Variants in WNK3 observed in about 807,000 individuals in gnomAD.
The protein encoded by WNK3 is WNK lysine deficient protein kinase 3, also known as serine/threonine-protein kinase WNK3.
In WNK3, 18 loss-of-function variants were observed where a neutral mutation model predicts 116.7. That is an observed-to-expected ratio of 0.15 (90% confidence interval 0.11 to 0.23). The LOEUF (loss-of-function observed/expected upper bound fraction) is 0.23, where lower values mean the gene tolerates loss of function less well. Ranked by LOEUF, WNK3 falls within the 10% of genes least tolerant of loss-of-function variation. WNK3 has a pLI of 1.00. For synonymous variants in WNK3, 404 were observed against 469.4 expected (o/e 0.86, Z 1.80); for missense variants, 993 against 1,323.8 (o/e 0.75, Z 3.88).
chrX:54,215,333 GGC>G (rs1290662098), intron 22 of WNK3, among the ~76,000 whole-genome samples: 1 of 111,225 alleles, frequency 9.0e-6, no homozygotes, highest in Non-Finnish European at 1.9e-5. Context: ...TGGGATTGCA[GGC>G]GCGCGCCGCC....
At chrX:54,259,361 A>C in intron 10 of WNK3, 23 bp from the exon 11 acceptor site, 2 of 1,056,274 alleles carry the variant, frequency 1.9e-6, no homozygotes, top group Non-Finnish European at 2.6e-6. Flanking sequence ...CAGACATAAA[A>C]CTTGCTATGA....
chrX:54,213,553 C>CAAAAAAAAAAAAAAAAAAAAAAAAAAAAA (rs782580375), intron 22 of WNK3, among the ~76,000 whole-genome samples: 1 of 14,267 alleles, frequency 7.0e-5, no homozygotes, highest in African/African-American at 5.6e-4. Context: ...GACTCCGTCT[C>CAAAAAAAAAAAAAAAAAAAAAAAAAAAAA]AAAAAAAAAA....
intron 23 of WNK3, among the ~76,000 whole-genome samples, chrX:54,200,596 T>C (rs1467572088): frequency 1.8e-5 from 2 of 111,660 alleles, no homozygotes; most frequent in African/African-American, 6.5e-5. Context: ...ATGACTTTTC[T>C]AAAGTCACAC....
intron 22 of WNK3, among the ~76,000 whole-genome samples, chrX:54,221,651 G>A (rs1415194694): frequency 9.1e-6 from 1 of 110,360 alleles, no homozygotes; most frequent in African/African-American, 3.3e-5. Flanking sequence ...TGGCCAACAT[G>A]GTGAAACCCC....
rs371595695 is a variant in WNK3, at chrX:54,251,466, A to G, written c.2524-16T>C. The G allele has an allele frequency of 1.3e-5, 15 of 1,189,694 alleles. No homozygotes were observed. The African/African-American group carries it at 2.3e-4, about 18-fold the overall frequency. ...ATGACCCTGTCTGAATTAAAAATGA[A>G]TAGATAAATTAAAAAGTTCCTGATT... is the stretch of plus-strand genomic sequence containing the variant. On this transcript the variant is annotated splice_polypyrimidine_tract_variant and intron_variant, in intron 14 of 23. Coordinates refer to ENST00000354646, the Ensembl canonical transcript of WNK3.
At chrX:54,245,508 C>T (rs781994126) in intron 17 of WNK3, among the ~76,000 whole-genome samples, 3 of 110,134 alleles carry the variant, frequency 2.7e-5, no homozygotes, top group African/African-American at 9.9e-5. Context: ...CACACATACA[C>T]ATACATACAT....
At chrX:54,281,107 T>C (rs2068510948) in intron 10 of WNK3, among the ~76,000 whole-genome samples, 2 of 111,755 alleles carry the variant, frequency 1.8e-5, no homozygotes, top group South Asian at 3.7e-4. Flanking sequence ...GTGAAATGAT[T>C]ACCACAATAA....
chrX:54,304,210 C>G (rs1470740067), intron 5 of WNK3, among the ~76,000 whole-genome samples: 8 of 110,474 alleles, frequency 7.2e-5, no homozygotes, highest in Non-Finnish European at 1.1e-4. Context: ...CAGTTTACAT[C>G]TCTAACAGAT....
intron 10 of WNK3, among the ~76,000 whole-genome samples, chrX:54,277,538 A>G (rs2068464580): frequency 9.2e-6 from 1 of 109,121 alleles, no homozygotes. Flanking sequence ...GGGTTTCACC[A>G]TGTTGGCCAG....
exon 3 of WNK3, chrX:54,311,173 C>T: frequency 8.4e-7 from 1 of 1,194,991 alleles, no homozygotes; most frequent in Non-Finnish European, 1.1e-6. Context: ...ACATTTCTTT[C>T]CTTTTAATAT....
chrX:54,197,554 T>A (rs2067455992), exon 24 of WNK3: 1 of 109,425 alleles, frequency 9.1e-6, no homozygotes, highest in South Asian at 4.1e-4. Flanking sequence ...TGAAACCCCA[T>A]CCTCTACTAA....
rs186326533 is a variant in WNK3 at position 54,237,808 on chromosome X, C to T, written c.4015-257G>A. ...GACCCACCCACCCGCCAAAAGAAAACCTATTTCTGTGCTCTCTACCAGCTA... is the reference window on the plus strand; with the variant it reads ...GACCCACCCACCCGCCAAAAGAAAATCTATTTCTGTGCTCTCTACCAGCTA... On this transcript the variant is annotated intron_variant, in intron 19 of 23. Transcript: ENST00000354646. Among the ~76,000 whole-genome samples, 3 of 111,664 alleles carry T rather than the reference C, an allele frequency of 2.7e-5. No homozygotes were observed. The Admixed American group carries it at 2.9e-4, about 11-fold the overall frequency.
intron 1 of WNK3, among the ~76,000 whole-genome samples, chrX:54,347,691 T>C (rs1412692935): frequency 2.1e-5 from 2 of 96,827 alleles, no homozygotes; most frequent in Non-Finnish European, 4.0e-5. Context: ...CATATATATA[T>C]ATACACATAT....
rs782304957 is a variant in WNK3 at position 54,264,342 on chromosome X, A to T, written c.2038-5004T>A. ...AGTGAGACTGTCTCAAAAAAAAAAA[A>T]TTGGTAGACATGGGGGTGTCAGTGT... On this transcript the variant is annotated intron_variant, in intron 10 of 23. Transcript: ENST00000354646. Among the ~76,000 whole-genome samples the T allele has an allele frequency of 1.6e-4, 17 of 108,302 alleles. No homozygotes were observed. In the Admixed American group the frequency reaches 1.7e-3, roughly 11 times the overall value. 94.0% of individuals were successfully genotyped at this position (108,302 alleles called of 115,157 possible).
chrX:54,263,953 C>T (rs1355166161), intron 10 of WNK3, among the ~76,000 whole-genome samples: 1 of 108,477 alleles, frequency 9.2e-6, no homozygotes, highest in Admixed American at 1.0e-4. Flanking sequence ...CAGCCCCAAC[C>T]TCCCAGGCTC....
intron 2 of WNK3, among the ~76,000 whole-genome samples, chrX:54,331,844 T>C (rs1165660946): frequency 8.9e-6 from 1 of 111,744 alleles, no homozygotes; most frequent in Non-Finnish European, 1.9e-5. Context: ...TTCCTAGAAA[T>C]GCAGAAACCT....
intron 17 of WNK3, among the ~76,000 whole-genome samples, chrX:54,246,714 T>C (rs1403739867): frequency 2.7e-5 from 3 of 112,147 alleles, no homozygotes; most frequent in Admixed American, 9.5e-5. Context: ...CATGTGGCTG[T>C]CTAAATTTAA....
chrX:54,282,004 T>TG (rs1257926755), intron 10 of WNK3, among the ~76,000 whole-genome samples: 16 of 108,160 alleles, frequency 1.5e-4, no homozygotes, highest in Admixed American at 1.0e-3. Flanking sequence ...ATCATAGTTT[T>TG]TTTTTTTTTT....
chrX:54,275,413 ATATGTGTGTGTGTGTGTGTG>A (rs1447987052), intron 10 of WNK3, among the ~76,000 whole-genome samples: 12 of 58,338 alleles, frequency 2.1e-4, no homozygotes, highest in African/African-American at 6.8e-4. Context: ...GTATAAGTTC[ATATGTGTGTGTGTGTGTGTG>A]TGTGTGTGTG....
Sources: allele counts gnomAD v4.1 joint callset (sites outside exome capture counted in the v4.1 genomes callset), GRCh38; gene constraint gnomAD v4.1.1; transcripts MANE v1.5; gene names NCBI Gene and HGNC (gene_info 2026-07-23, HGNC 2026-07-21).